The following GPATCH2 variants were observed in gnomAD, a reference collection of about 807,000 sequenced individuals.
GPATCH2 encodes G-patch domain containing 2.
Under a neutral mutation model 58.0 loss-of-function variants are expected in GPATCH2, and 51 were observed. That is an observed-to-expected ratio of 0.88 (90% CI 0.70 to 1.11). GPATCH2 has a LOEUF of 1.11. GPATCH2 is among the 50% of genes most tolerant of loss of function. The pLI is 0.00. For synonymous variants in GPATCH2, 222 were observed against 218.5 expected, an observed-to-expected ratio of 1.02 and a Z score of -0.14; for missense variants, 625 against 652.2, an observed-to-expected ratio of 0.96 and a Z score of 0.45.
chr1:217,572,599 T>G (rs1168250286), intron 5 of GPATCH2, among the ~76,000 whole-genome samples: 1 of 152,196 alleles, frequency 6.6e-6, no homozygotes, highest in African/African-American at 2.4e-5. Context: ...ACTAGCATAA[T>G]TTGCCCAAGG....
chr1:217,463,204 A>G (rs1483697869), intron 8 of GPATCH2, among the ~76,000 whole-genome samples: 3 of 152,216 alleles, frequency 2.0e-5, no homozygotes, highest in African/African-American at 7.2e-5. Flanking sequence ...AATAAGGTCT[A>G]AATGTATTCT....
chr1:217,487,721 G>A (rs369380918), intron 8 of GPATCH2, among the ~76,000 whole-genome samples: 7 of 150,914 alleles, frequency 4.6e-5, no homozygotes, highest in Non-Finnish European at 7.4e-5. Flanking sequence ...CACTGCACCC[G>A]GCCAGAAGTG....
intron 6 of GPATCH2, among the ~76,000 whole-genome samples, chr1:217,499,415 G>A (rs1294583458): frequency 6.6e-6 from 1 of 152,140 alleles, no homozygotes; most frequent in Non-Finnish European, 1.5e-5. Context: ...CGCTGCAGAA[G>A]GGCAAGGGGC....
At chr1:217,509,656 A>G (rs867891597) in intron 6 of GPATCH2, among the ~76,000 whole-genome samples, 1 of 152,132 alleles carries the variant, frequency 6.6e-6, no homozygotes, top group African/African-American at 2.4e-5. Context: ...ACAAGTATTC[A>G]GTTGGTGCCT....
chr1:217,536,065 A>G (rs932785722), intron 5 of GPATCH2, among the ~76,000 whole-genome samples: 4 of 152,148 alleles, frequency 2.6e-5, no homozygotes, highest in African/African-American at 9.7e-5. Flanking sequence ...AAATTTTATT[A>G]GTATTTATTT....
intron 5 of GPATCH2, among the ~76,000 whole-genome samples, chr1:217,592,775 A>G (rs184168805): frequency 1.3e-5 from 2 of 152,042 alleles, no homozygotes; most frequent in East Asian, 3.9e-4. Flanking sequence ...GAGATAGAAT[A>G]TAGCTTCCTT....
chr1:217,437,305 CTGTT>C (rs1397635878), intron 9 of GPATCH2, among the ~76,000 whole-genome samples: 1 of 152,168 alleles, frequency 6.6e-6, no homozygotes, highest in Non-Finnish European at 1.5e-5. Context: ...AACTGGGCGA[CTGTT>C]TGAGCAGACA....
At chr1:217,544,368 G>A (rs745473516) in intron 5 of GPATCH2, among the ~76,000 whole-genome samples, 11 of 152,202 alleles carry the variant, frequency 7.2e-5, no homozygotes, top group Non-Finnish European at 1.3e-4. Flanking sequence ...ACTCCAGCCT[G>A]AGCAACAGAA....
intron 5 of GPATCH2, among the ~76,000 whole-genome samples, chr1:217,593,556 C>T (rs1430191023): frequency 1.3e-5 from 2 of 152,036 alleles, no homozygotes; most frequent in Non-Finnish European, 2.9e-5. Flanking sequence ...CTCTGTACCA[C>T]TCTTCCTAAA....
chr1:217,435,599 G>T (rs1406174429), intron 9 of GPATCH2, among the ~76,000 whole-genome samples: 1 of 152,162 alleles, frequency 6.6e-6, no homozygotes, highest in Non-Finnish European at 1.5e-5. Flanking sequence ...GCATTTATTA[G>T]TTTGTGATCA....
At chr1:217,628,296 ACT>A (rs1398952634) in intron 1 of GPATCH2, among the ~76,000 whole-genome samples, 2 of 152,076 alleles carry the variant, frequency 1.3e-5, no homozygotes, top group African/African-American at 4.8e-5. Flanking sequence ...CAAGCCAGAC[ACT>A]CTAGGCTTTT....
chr1:217,514,180 G>A (rs1184724100), intron 6 of GPATCH2, among the ~76,000 whole-genome samples: 6 of 145,178 alleles, frequency 4.1e-5, no homozygotes, highest in South Asian at 2.2e-4. Flanking sequence ...TTCCTTCTGC[G>A]ATGGAGTCTC....
chr1:217,472,909 C>T (rs1243749767), intron 8 of GPATCH2, among the ~76,000 whole-genome samples: 1 of 152,122 alleles, frequency 6.6e-6, no homozygotes, highest in Non-Finnish European at 1.5e-5. Flanking sequence ...CCTAGTCCCC[C>T]CTAGAAACAG....
chr1:217,527,122 T>G (rs1256180615), intron 5 of GPATCH2, among the ~76,000 whole-genome samples: 1 of 151,798 alleles, frequency 6.6e-6, no homozygotes, highest in Non-Finnish European at 1.5e-5. Flanking sequence ...AATGTAATAA[T>G]GATATAATTA....
chr1:217,565,326 CTTTGTA>C (rs1408714221), intron 5 of GPATCH2, among the ~76,000 whole-genome samples: 4 of 152,190 alleles, frequency 2.6e-5, no homozygotes, highest in Admixed American at 6.5e-5. Context: ...AAACTTAATA[CTTTGTA>C]TTTGTATTTG....
rs1658442857 is a variant in GPATCH2, at chr1:217,429,538, CTT to C, written c.*1605_*1606del. The C allele has an allele frequency of 6.6e-6, 1 of 151,856 alleles. No homozygotes were observed. 9.4% of individuals were successfully genotyped at this position (151,856 alleles called of 1,614,324 possible). A position where few individuals can be genotyped will look rare whatever the true frequency, so the allele number is the denominator to read the frequency against. On this transcript the variant is annotated 3_prime_UTR_variant, in exon 10 of 10. Transcript: ENST00000366935. Reference sequence around the variant, plus strand: ...CCTCCTTTAACACCTTTTAAAAACTCTTCTGGGGGCTGGGCGCTGTGGTTCAT... The same window carrying C: ...CCTCCTTTAACACCTTTTAAAAACTCCTGGGGGCTGGGCGCTGTGGTTCAT...
chr1:217,488,990 A>G (rs1430547443), intron 8 of GPATCH2, among the ~76,000 whole-genome samples: 1 of 151,046 alleles, frequency 6.6e-6, no homozygotes, highest in Non-Finnish European at 1.5e-5. Flanking sequence ...AACCATAAAT[A>G]TTTCCTGTGA....
intron 2 of GPATCH2, among the ~76,000 whole-genome samples, chr1:217,619,392 A>G (rs1669067984): frequency 6.6e-6 from 1 of 152,222 alleles, no homozygotes; most frequent in Non-Finnish European, 1.5e-5. Context: ...TTCAAGAATC[A>G]GGATAGATTA....
At chr1:217,478,551 G>A (rs1030526213) in intron 8 of GPATCH2, among the ~76,000 whole-genome samples, 2 of 152,030 alleles carry the variant, frequency 1.3e-5, no homozygotes, top group African/African-American at 2.4e-5. Flanking sequence ...AAAAATTAGT[G>A]GGTTGAAGAC....
Sources: allele counts gnomAD v4.1 joint callset (sites outside exome capture counted in the v4.1 genomes callset), GRCh38; gene constraint gnomAD v4.1.1; transcripts MANE v1.5; gene names NCBI Gene and HGNC (gene_info 2026-07-23, HGNC 2026-07-21).